The following KIAA1217 variants were observed in gnomAD, a reference collection of about 807,000 sequenced individuals.
The protein encoded by KIAA1217 is sickle tail protein homolog.
In KIAA1217, 88 loss-of-function variants were observed where a neutral mutation model predicts 163.9. The observed-to-expected ratio is 0.54, with a 90% CI of 0.45 to 0.64. The LOEUF (loss-of-function observed/expected upper bound fraction) is 0.64. Among genes scored for constraint, KIAA1217 ranks in the 30% least tolerant of loss-of-function variants. KIAA1217 has a pLI of 0.00. For synonymous variants in KIAA1217, 903 were observed against 923.1 expected (o/e 0.98, Z 0.39); for missense variants, 2,372 against 2,475.0 (o/e 0.96, Z 0.88).
In KIAA1217 at chr10:24,384,082, A is replaced by G. The variant is rs533184315; in HGVS notation, c.553+3015A>G. 3.3e-4 allele frequency among the ~76,000 whole-genome samples: 50 copies of G among 151,994 alleles called. 1 individual carries two copies. The South Asian group carries it at 1.0e-2, about 30-fold the overall frequency. On this transcript the variant is annotated intron_variant, in intron 3 of 20. Transcript: ENST00000376454. ...TGGGTGGCCCAGAAGCACAGCTGCA[A>G]CTCCATGGGGCCTCAGATATGCCGA... is the stretch of plus-strand genomic sequence containing the variant.
intron 2 of KIAA1217, among the ~76,000 whole-genome samples, chr10:24,019,510 A>G (rs1489750989): frequency 6.6e-6 from 1 of 151,942 alleles, no homozygotes; most frequent in Non-Finnish European, 1.5e-5. Context: ...TGGGGAAGAT[A>G]GAACACATTT....
intron 8 of KIAA1217, among the ~76,000 whole-genome samples, chr10:24,497,884 C>T (rs1201523740): frequency 1.3e-5 from 2 of 151,968 alleles, no homozygotes; most frequent in Non-Finnish European, 2.9e-5. Context: ...GTACAAAGTA[C>T]ACTACTCAGG....
chr10:23,883,710 G>A (rs1162981165), intron 1 of KIAA1217, among the ~76,000 whole-genome samples: 2 of 151,896 alleles, frequency 1.3e-5, no homozygotes, highest in Non-Finnish European at 2.9e-5. Flanking sequence ...ATAATGACAT[G>A]TAGCCACTAT....
At chr10:24,340,004 A>G (rs1302794143) in intron 2 of KIAA1217, among the ~76,000 whole-genome samples, 1 of 152,184 alleles carries the variant, frequency 6.6e-6, no homozygotes, top group African/African-American at 2.4e-5. Flanking sequence ...TTGCGAAGTC[A>G]GGAAAGAAGA....
chr10:23,814,757 T>C (rs1837238080), intron 1 of KIAA1217, among the ~76,000 whole-genome samples: 1 of 152,180 alleles, frequency 6.6e-6, no homozygotes, highest in Non-Finnish European at 1.5e-5. Context: ...GACATTTTTC[T>C]GTTCTTGCAG....
chr10:24,095,064 C>T (rs545027583), intron 2 of KIAA1217, among the ~76,000 whole-genome samples: 214 of 152,306 alleles, frequency 1.4e-3, no homozygotes, highest in African/African-American at 4.8e-3. Context: ...TCTTCTGATG[C>T]GCCGTTTCCT....
In KIAA1217 at chr10:24,190,547, C is replaced by T. The variant is rs115991209; in HGVS notation, c.-170-29079C>T. ...TTTAGAAGTTAGGGCTTTCCCACAG[C>T]AGGATTGCCCTGGTTGACAAACACA... On this transcript the variant is annotated intron_variant, in intron 2 of 18. Coordinates refer to the KIAA1217 transcript ENST00000376462. 4.0e-3 allele frequency among the ~76,000 whole-genome samples: 614 copies of T among 152,262 alleles called. 4 individuals carry two copies. Among genetic ancestry groups the T allele is most frequent in the African/African-American group, 0.014 (585 of 41,566 alleles).
chr10:24,072,419 CA>C (rs1384978500), intron 2 of KIAA1217, among the ~76,000 whole-genome samples: 3 of 151,876 alleles, frequency 2.0e-5, no homozygotes, highest in Non-Finnish European at 4.4e-5. Context: ...TAAGATTGGT[CA>C]AAAAATTAGA....
rs35157466 is a variant in KIAA1217, at chr10:23,726,304, GT to G, written c.-321+31083del. ...AGCCTAGTATTTGAGCATGAGTTTG[GT>G]TTTTTTTTTTTTAGACAAATCATAT... On this transcript the variant is annotated intron_variant, in intron 1 of 18. Transcript: ENST00000376462. Among the ~76,000 whole-genome samples the G allele has an allele frequency of 9.2e-4, 127 of 137,444 alleles. 1 individual carries two copies. The highest frequency in any genetic ancestry group is 7.0e-3 in the East Asian group (33 of 4,696). 90.2% of individuals were successfully genotyped at this position (137,444 alleles called of 152,430 possible).
intron 2 of KIAA1217, among the ~76,000 whole-genome samples, chr10:24,272,654 A>T (rs1042440338): frequency 1.4e-4 from 21 of 152,228 alleles, no homozygotes; most frequent in African/African-American, 4.1e-4. Context: ...ATAGTCATGG[A>T]TTTATTTAAT....
intron 1 of KIAA1217, among the ~76,000 whole-genome samples, chr10:23,767,498 G>A (rs1360516978): frequency 6.6e-6 from 1 of 152,218 alleles, no homozygotes; most frequent in Admixed American, 6.5e-5. Flanking sequence ...CACTATGGGA[G>A]GCTGAGGTGG....
At chr10:23,892,934 T>C (rs930098486) in intron 1 of KIAA1217, among the ~76,000 whole-genome samples, 1 of 151,942 alleles carries the variant, frequency 6.6e-6, no homozygotes. Context: ...GACGTCTCTT[T>C]GAAAAGCAGA....
intron 1 of KIAA1217, among the ~76,000 whole-genome samples, chr10:23,921,043 A>G (rs1402849976): frequency 6.6e-6 from 1 of 152,200 alleles, no homozygotes; most frequent in Non-Finnish European, 1.5e-5. Context: ...CTGTGAGTCC[A>G]TTATACCTCT....
rs1390057273 is a variant in KIAA1217, at chr10:23,792,413, T to C, written c.-321+97179T>C. ...ATAGTAAACTTTCCGCATATTAGTCTTTTTGAATGGACCTAACTTGAATGT... is the reference window on the plus strand; with the variant it reads ...ATAGTAAACTTTCCGCATATTAGTCCTTTTGAATGGACCTAACTTGAATGT... On this transcript the variant is annotated intron_variant, in intron 1 of 18. Transcript: ENST00000376462. Among the ~76,000 whole-genome samples, 4 of 152,298 alleles carry C rather than the reference T, an allele frequency of 2.6e-5. No homozygotes were observed. The East Asian group carries it at 7.7e-4, about 29-fold the overall frequency.
At chr10:24,201,107 C>T (rs2067234080) in intron 2 of KIAA1217, among the ~76,000 whole-genome samples, 1 of 151,966 alleles carries the variant, frequency 6.6e-6, no homozygotes. Flanking sequence ...CCTGTCTCTA[C>T]CAAAAATACA....
At chr10:24,444,982 A>G (rs2060803428) in intron 5 of KIAA1217, among the ~76,000 whole-genome samples, 1 of 151,320 alleles carries the variant, frequency 6.6e-6, no homozygotes, top group African/African-American at 2.4e-5. Flanking sequence ...ATGTATAGGA[A>G]CTCTATTAAT....
intron 2 of KIAA1217, among the ~76,000 whole-genome samples, chr10:24,067,295 T>C (rs7898464): frequency 0.06 from 9,083 of 152,252 alleles, 920 homozygotes; most frequent in African/African-American, 0.21. Flanking sequence ...TTGTCTTTGA[T>C]GATGGTGACG....
intron 2 of KIAA1217, among the ~76,000 whole-genome samples, chr10:24,162,050 G>A (rs985191561): frequency 6.6e-6 from 1 of 152,178 alleles, no homozygotes. Flanking sequence ...TAGACCCAAA[G>A]CACACCAGCA....
chr10:23,955,151 G>C (rs898883406), intron 1 of KIAA1217, among the ~76,000 whole-genome samples: 1 of 152,080 alleles, frequency 6.6e-6, no homozygotes, highest in Non-Finnish European at 1.5e-5. Flanking sequence ...CTCTTTTATA[G>C]AACACAAAAG....
Sources: allele counts gnomAD v4.1 joint callset (sites outside exome capture counted in the v4.1 genomes callset), GRCh38; gene constraint gnomAD v4.1.1; transcripts MANE v1.5; gene names NCBI Gene and HGNC (gene_info 2026-07-23, HGNC 2026-07-21).